CPNE8: variants seen among roughly 807,000 people sequenced by gnomAD.
CPNE8 encodes copine-8.
A neutral mutation model predicts 81.5 loss-of-function variants in CPNE8; 45 were observed. The ratio of observed to expected loss-of-function variants is 0.55; its 90% CI spans 0.44 to 0.71. The LOEUF (loss-of-function observed/expected upper bound fraction) is 0.71. Ranked by LOEUF, CPNE8 falls within the 30% of genes least tolerant of loss-of-function variation. The probability of loss-of-function intolerance (pLI) is 0.00; values close to 1 mark genes in which losing one functional copy is unlikely to be tolerated. For missense variants in CPNE8, 594 were observed against 672.1 expected, an observed-to-expected ratio of 0.88 and a Z score of 1.28; for synonymous variants, 252 against 226.3, an observed-to-expected ratio of 1.11 and a Z score of -1.02.
intron 6 of CPNE8, among the ~76,000 whole-genome samples, chr12:38,786,788 T>C (rs996171410): frequency 3.3e-5 from 5 of 151,042 alleles, no homozygotes; most frequent in African/African-American, 1.2e-4. Flanking sequence ...AGCAAGGGAG[T>C]CTAGCAATTT....
At chr12:38,684,583 A>G (rs1939491354) in intron 16 of CPNE8, among the ~76,000 whole-genome samples, 1 of 152,056 alleles carries the variant, frequency 6.6e-6, no homozygotes, top group South Asian at 2.1e-4. Context: ...GGTGCAAGGG[A>G]TATTTTAGCA....
intron 19 of CPNE8, among the ~76,000 whole-genome samples, chr12:38,658,252 T>C (rs1459758049): frequency 6.6e-6 from 1 of 152,054 alleles, no homozygotes; most frequent in Non-Finnish European, 1.5e-5. Context: ...ACGTGATGCA[T>C]GCACAAGCTT....
At chr12:38,855,789 A>T (rs1331718940) in intron 3 of CPNE8, among the ~76,000 whole-genome samples, 1 of 152,118 alleles carries the variant, frequency 6.6e-6, no homozygotes, top group Non-Finnish European at 1.5e-5. Flanking sequence ...TGATTTAATT[A>T]TTCCCATAAT....
intron 6 of CPNE8, among the ~76,000 whole-genome samples, chr12:38,798,728 G>T (rs1942570478): frequency 1.3e-5 from 2 of 152,056 alleles, no homozygotes; most frequent in African/African-American, 2.4e-5. Flanking sequence ...TGGACTAAAT[G>T]CTCCAATTGA....
At chr12:38,673,614 A>G (rs538512607) in intron 18 of CPNE8, among the ~76,000 whole-genome samples, 2 of 152,270 alleles carry the variant, frequency 1.3e-5, no homozygotes, top group South Asian at 4.2e-4. Context: ...TTTCTATCCC[A>G]TTAGAACTTC....
At chr12:38,738,656 A>G (rs924139285) in intron 10 of CPNE8, among the ~76,000 whole-genome samples, 2 of 152,142 alleles carry the variant, frequency 1.3e-5, no homozygotes, top group Non-Finnish European at 2.9e-5. Context: ...TTCAGATTTG[A>G]AAGAATTTTC....
intron 5 of CPNE8, among the ~76,000 whole-genome samples, chr12:38,830,431 T>C (rs1047903746): frequency 6.6e-6 from 1 of 152,194 alleles, no homozygotes. Flanking sequence ...ATACCATAAG[T>C]ACAGTGCAAA....
chr12:38,792,896 G>A (rs138395899), intron 6 of CPNE8, among the ~76,000 whole-genome samples: 4 of 151,804 alleles, frequency 2.6e-5, no homozygotes, highest in African/African-American at 9.7e-5. Context: ...TCACCAGCTG[G>A]TATTTATGTT....
At chr12:38,760,435 G>GTATATA (rs139244982) in intron 10 of CPNE8, among the ~76,000 whole-genome samples, 8,140 of 127,084 alleles carry the variant, frequency 0.064, 379 homozygotes, top group Non-Finnish European at 0.083. Flanking sequence ...TGTATGGTGT[G>GTATATA]TATATATATA....
intron 18 of CPNE8, 145 bp from the exon 19 acceptor site, chr12:38,670,947 CATTT>C (rs1220432717): frequency 1.3e-5 from 7 of 548,710 alleles, no homozygotes; most frequent in Non-Finnish European, 2.2e-5. Flanking sequence ...TGTCTTCATT[CATTT>C]CTCATACAAA....
chr12:38,832,697 ATGT>A (rs386762307), intron 5 of CPNE8, among the ~76,000 whole-genome samples: 3,362 of 152,176 alleles, frequency 0.022, 123 homozygotes, highest in African/African-American at 0.076. Flanking sequence ...CTCTCAGCTA[ATGT>A]TTGTATTTTT....
intron 6 of CPNE8, among the ~76,000 whole-genome samples, chr12:38,798,550 C>T (rs998809704): frequency 6.6e-6 from 1 of 151,908 alleles, no homozygotes; most frequent in Non-Finnish European, 1.5e-5. Flanking sequence ...CTGAAGGAAG[C>T]ACTAAACATG....
intron 1 of CPNE8, among the ~76,000 whole-genome samples, chr12:38,890,255 A>G (rs1437281800): frequency 1.3e-5 from 2 of 152,166 alleles, no homozygotes; most frequent in Non-Finnish European, 2.9e-5. Flanking sequence ...GGATGACAAC[A>G]TTTTAGGCTA....
intron 3 of CPNE8, among the ~76,000 whole-genome samples, chr12:38,862,707 G>C (rs1426806427): frequency 6.6e-6 from 1 of 152,196 alleles, no homozygotes; most frequent in Non-Finnish European, 1.5e-5. Context: ...CCAGCACTTT[G>C]GGAGGCCGAG....
chr12:38,673,303 T>C (rs1939220487), intron 18 of CPNE8, among the ~76,000 whole-genome samples: 1 of 152,164 alleles, frequency 6.6e-6, no homozygotes, highest in Non-Finnish European at 1.5e-5. Flanking sequence ...CATTTCTTTA[T>C]AGCAGTGTGA....
rs1341381698 is a variant in CPNE8 at position 38,760,897 on chromosome 12, G to A, written c.681-9C>T. On this transcript the variant is annotated splice_polypyrimidine_tract_variant and intron_variant, in intron 9 of 19. Transcript: ENST00000331366. ...CCTCTACTTTGATTGTTCTGTACAT[G>A]AGAAAAACATACACATAAAGTTACT... is the stretch of plus-strand genomic sequence containing the variant. 2 of 1,546,578 alleles carry A rather than the reference G, an allele frequency of 1.3e-6. No homozygotes were observed. The highest frequency in any genetic ancestry group is 2.9e-5 in the African/African-American group (2 of 69,896).
At chr12:38,690,680 G>A (rs575884771) in intron 15 of CPNE8, among the ~76,000 whole-genome samples, 1 of 152,102 alleles carries the variant, frequency 6.6e-6, no homozygotes, top group South Asian at 2.1e-4. Context: ...AAGGAGAAAA[G>A]TGGAGGGGAG....
At chr12:38,750,278 A>AG (rs1352576988) in intron 10 of CPNE8, among the ~76,000 whole-genome samples, 1 of 152,220 alleles carries the variant, frequency 6.6e-6, no homozygotes, top group Non-Finnish European at 1.5e-5. Flanking sequence ...AGTTTGCTGC[A>AG]GGGGCGGGGC....
chr12:38,697,623 A>G (rs912223832), intron 14 of CPNE8, among the ~76,000 whole-genome samples: 1 of 152,042 alleles, frequency 6.6e-6, no homozygotes, highest in Non-Finnish European at 1.5e-5. Context: ...TCCCACTGAT[A>G]TAGTTTGGAT....
Sources: gnomAD v4.1 joint callset for allele counts (sites outside exome capture counted in the v4.1 genomes callset) on GRCh38, gnomAD v4.1.1 for gene constraint, MANE v1.5 for transcripts, NCBI Gene and HGNC (gene_info 2026-07-23, HGNC 2026-07-21) for gene names.